Variants in HTT-AS observed in about 807,000 individuals in gnomAD.
HTT-AS encodes HTT antisense RNA.
chr4:3,059,917 G>GTT (rs34372712), intron 2 of HTT-AS, among the ~76,000 whole-genome samples: 56,567 of 134,670 alleles, frequency 0.42, 13,030 homozygotes, highest in South Asian at 0.59. Flanking sequence ...TTGTCCCTGT[G>GTT]TTTTTTGTTT....
intron 1 of HTT-AS, among the ~76,000 whole-genome samples, chr4:3,071,062 G>A (rs1712163550): frequency 6.6e-6 from 1 of 152,194 alleles, no homozygotes; most frequent in Non-Finnish European, 1.5e-5. Flanking sequence ...GTCAATTCTA[G>A]GCAGATGATG....
rs3846233 is a variant in HTT-AS at position 3,067,224 on chromosome 4, A to G, written n.114-3524T>C. Among the ~76,000 whole-genome samples the G allele has an allele frequency of 5.0e-3, 768 of 152,298 alleles. 8 individuals carry two copies. The highest frequency in any genetic ancestry group is 0.018 in the African/African-American group (737 of 41,556). ...GCCAAGGAATGGAAAATGCAGAAGA[A>G]AGGATATGGTGAGAGGATCTAATAT... On this transcript the variant is annotated intron_variant and non_coding_transcript_variant, in intron 1 of 2. Transcript: ENST00000664062.
chr4:3,071,577 G>A (rs1286850016), intron 1 of HTT-AS, among the ~76,000 whole-genome samples: 1 of 152,144 alleles, frequency 6.6e-6, no homozygotes, highest in Non-Finnish European at 1.5e-5. Flanking sequence ...TCTAAAGAAG[G>A]TCAGAGCGGC....
At chr4:3,072,960 T>C (rs1165190152) in intron 1 of HTT-AS, among the ~76,000 whole-genome samples, 1 of 152,216 alleles carries the variant, frequency 6.6e-6, no homozygotes, top group Non-Finnish European at 1.5e-5. Flanking sequence ...AGTGTCGCTC[T>C]ATCACCCAAG....
intron 2 of HTT-AS, among the ~76,000 whole-genome samples, chr4:3,055,793 C>A (rs1407603867): frequency 6.6e-6 from 1 of 152,184 alleles, no homozygotes; most frequent in Non-Finnish European, 1.5e-5. Flanking sequence ...GGGTAGAACA[C>A]AAACATCCCC....
intron 2 of HTT-AS, among the ~76,000 whole-genome samples, chr4:3,057,122 C>A (rs1711817570): frequency 6.6e-6 from 1 of 152,078 alleles, no homozygotes; most frequent in Non-Finnish European, 1.5e-5. Context: ...CAACCTCTGC[C>A]TCCCGGGTTC....
intron 2 of HTT-AS, among the ~76,000 whole-genome samples, chr4:3,050,729 AT>A (rs1711685768): frequency 6.6e-6 from 1 of 152,202 alleles, no homozygotes; most frequent in Non-Finnish European, 1.5e-5. Context: ...ATCCCATTTA[AT>A]TTTGGAACAT....
chr4:3,050,845 C>A (rs1034314622), intron 2 of HTT-AS, among the ~76,000 whole-genome samples: 4 of 152,122 alleles, frequency 2.6e-5, no homozygotes, highest in African/African-American at 7.2e-5. Flanking sequence ...GTTTACCTCT[C>A]TTTGGATGCT....
chr4:3,051,858 G>A (rs1711710284), intron 2 of HTT-AS, among the ~76,000 whole-genome samples: 1 of 150,234 alleles, frequency 6.7e-6, no homozygotes, highest in Non-Finnish European at 1.5e-5. Flanking sequence ...GGCCCAACAA[G>A]CTGGTCAGTA....
chr4:3,056,412 T>C (rs937753254), intron 2 of HTT-AS, among the ~76,000 whole-genome samples: 2 of 152,220 alleles, frequency 1.3e-5, no homozygotes, highest in African/African-American at 4.8e-5. Context: ...ATTTGAACTC[T>C]CAGCAGTGTA....
chr4:3,046,334 A>G (rs1443280241), downstream of HTT-AS, among the ~76,000 whole-genome samples: 1 of 152,180 alleles, frequency 6.6e-6, no homozygotes, highest in Non-Finnish European at 1.5e-5. Flanking sequence ...CATTTGCCTT[A>G]TTTGGACACA....
exon 2 of HTT-AS, chr4:3,063,366 C>G (rs934031841): frequency 6.6e-6 from 1 of 152,462 alleles, no homozygotes. Flanking sequence ...TGTAGGACGA[C>G]AGAGATGGCC....
At chr4:3,065,365 C>G (rs1430764461) in intron 1 of HTT-AS, among the ~76,000 whole-genome samples, 1 of 151,932 alleles carries the variant, frequency 6.6e-6, no homozygotes, top group African/African-American at 2.4e-5. Context: ...CTCAGCCTCC[C>G]GAGTAGCTGG....
At chr4:3,071,737 G>C (rs574530973) in intron 1 of HTT-AS, among the ~76,000 whole-genome samples, 1 of 152,172 alleles carries the variant, frequency 6.6e-6, no homozygotes, top group Non-Finnish European at 1.5e-5. Context: ...GATCATTAGG[G>C]TGGGCCATAA....
chr4:3,064,450 C>T (rs1385385484), intron 1 of HTT-AS, among the ~76,000 whole-genome samples: 1 of 151,972 alleles, frequency 6.6e-6, no homozygotes, highest in African/African-American at 2.4e-5. Context: ...AAAATCTAAC[C>T]TAATTAAGAA....
intron 1 of HTT-AS, among the ~76,000 whole-genome samples, chr4:3,066,197 G>C (rs759021975): frequency 6.6e-6 from 1 of 151,882 alleles, no homozygotes; most frequent in African/African-American, 2.4e-5. Context: ...TTGAGGTGGC[G>C]TCTCACTCTG....
intron 1 of HTT-AS, among the ~76,000 whole-genome samples, chr4:3,072,920 A>G (rs1167485997): frequency 2.0e-5 from 3 of 151,874 alleles, no homozygotes; most frequent in Non-Finnish European, 2.9e-5. Context: ...GAGCCACCGC[A>G]CCTCGCTGGA....
At chr4:3,052,644 T>A (rs1578464497) in intron 2 of HTT-AS, among the ~76,000 whole-genome samples, 1 of 152,212 alleles carries the variant, frequency 6.6e-6, no homozygotes, top group East Asian at 1.9e-4. Context: ...CTAATGGCAG[T>A]TATGGGGCTG....
chr4:3,049,297 A>C (rs1711658199), exon 3 of HTT-AS, among the ~76,000 whole-genome samples: 1 of 152,024 alleles, frequency 6.6e-6, no homozygotes, highest in Non-Finnish European at 1.5e-5. Flanking sequence ...GGTGGCAGGC[A>C]CCTGTAATAC....
Sources: allele counts gnomAD v4.1 joint callset (sites outside exome capture counted in the v4.1 genomes callset), GRCh38; gene constraint gnomAD v4.1.1; transcripts MANE v1.5; gene names NCBI Gene and HGNC (gene_info 2026-07-23, HGNC 2026-07-21).